Variants in GOLGA4 observed in about 807,000 individuals in gnomAD.
The protein encoded by GOLGA4 is golgin subfamily A member 4.
In GOLGA4, 169 loss-of-function variants were observed where a neutral mutation model predicts 265.9. The observed-to-expected ratio is 0.64, with a 90% CI of 0.56 to 0.72. GOLGA4 has a LOEUF of 0.72. GOLGA4 is among the 30% of genes least tolerant of loss of function. The pLI is 0.00. For synonymous variants in GOLGA4, 923 were observed against 855.8 expected, an observed-to-expected ratio of 1.08 and a Z score of -1.37; for missense variants, 2,482 against 2,483.4, an observed-to-expected ratio of 1.00 and a Z score of 0.01.
chr3:37,302,084 C>T lies in GOLGA4; in HGVS notation c.1087-101C>T, dbSNP rs917558117. The T allele has an allele frequency of 3.1e-6, 3 of 979,544 alleles. No homozygotes were observed. The African/African-American group carries it at 4.9e-5, about 16-fold the overall frequency. The allele number at this position is 979,544 out of a possible 1,614,324, so 60.7% of individuals were successfully genotyped here. On this transcript the variant is annotated intron_variant, in intron 9 of 23. Coordinates refer to ENST00000361924, the MANE Select transcript of GOLGA4 (RefSeq NM_002078.5). ...GATTATGGACATGAGTCACCATGCACCATGCCCGGCCTTTTTCTGCCTTTT... is the reference window on the plus strand; with the variant it reads ...GATTATGGACATGAGTCACCATGCATCATGCCCGGCCTTTTTCTGCCTTTT...
At chr3:37,302,468 C>CAGA in intron 10 of GOLGA4, 136 bp downstream of exon 10, 1 of 763,950 alleles carries the variant, frequency 1.3e-6, no homozygotes. Context: ...CACCCATCTG[C>CAGA]TCATTAGAGG....
At chr3:37,251,689 G>A (rs957932087) in intron 2 of GOLGA4, among the ~76,000 whole-genome samples, 100 of 146,754 alleles carry the variant, frequency 6.8e-4, no homozygotes, top group Non-Finnish European at 2.7e-4. Context: ...CTGTATGTAT[G>A]TATGTATGTT....
chr3:37,248,199 T>C (rs888871477), intron 1 of GOLGA4, among the ~76,000 whole-genome samples: 1 of 152,192 alleles, frequency 6.6e-6, no homozygotes, highest in South Asian at 2.1e-4. Context: ...AGTCTTGAAC[T>C]CCTGGCCTCA....
chr3:37,266,175 T>A (rs2096783125), intron 2 of GOLGA4, among the ~76,000 whole-genome samples: 1 of 152,148 alleles, frequency 6.6e-6, no homozygotes, highest in Admixed American at 6.5e-5. Context: ...TTGTTTTGTT[T>A]TGTTTTTTTG....
chr3:37,317,820 T>C (rs982322652), intron 11 of GOLGA4, among the ~76,000 whole-genome samples: 1 of 152,178 alleles, frequency 6.6e-6, no homozygotes, highest in African/African-American at 2.4e-5. Context: ...TCTTTGTTTA[T>C]AGTGAGAATT....
chr3:37,309,429 C>T (rs2096917035), intron 10 of GOLGA4, among the ~76,000 whole-genome samples: 1 of 151,930 alleles, frequency 6.6e-6, no homozygotes, highest in Non-Finnish European at 1.5e-5. Flanking sequence ...GTGGCACACG[C>T]CTGTAATCCC....
At position 37,325,667 on chromosome 3, in the gene GOLGA4, A is replaced by G; in HGVS notation, c.3781A>G (p.Lys1261Glu). 6.2e-7 allele frequency: 1 copy of G among 1,613,924 alleles called. No homozygotes were observed. The highest frequency in any genetic ancestry group is 2.2e-5 in the East Asian group (1 of 44,868). Reference sequence around the variant, plus strand: ...TTGTCAGCACCGTACAACTAAAGTTAAGGAGGCACTGTTAATTAAAACTTG... The same window carrying G: ...TTGTCAGCACCGTACAACTAAAGTTGAGGAGGCACTGTTAATTAAAACTTG... ...SHCQHRTTKV[K>E]EALLIKTCTV... The change falls in exon 14 of 24, where the codon AAG becomes GAG. Residue 1261 changes from lysine to glutamate, a missense_variant. Around this residue, in one of 3 missense-constraint regions of GOLGA4, gnomAD observed 1,536 missense variants for 1,483.7 expected, o/e 1.04. Coordinates refer to ENST00000361924, the MANE Select transcript of GOLGA4 (RefSeq NM_002078.5).
intron 12 of GOLGA4, 125 bp from the exon 13 acceptor site, chr3:37,321,606 G>T: frequency 1.3e-6 from 1 of 792,356 alleles, no homozygotes; most frequent in Non-Finnish European, 2.0e-6. Flanking sequence ...GGAGAGAGAT[G>T]ATGACGTTAC....
chr3:37,325,109 G>T lies in GOLGA4; in HGVS notation c.3223G>T (p.Glu1075Ter). Residue 1075 changes from glutamate (E) to a stop codon, truncating the protein, a stop_gained, in exon 14 of 24, where the codon GAA becomes TAA. Transcript: ENST00000361924. LOFTEE classifies it high-confidence loss of function. ...QLQEKEQEVAELKQKILLFGC... is the reference protein window; with the variant it reads ...QLQEKEQEVA ...ACAGGAAAAAGAACAAGAGGTAGCA[G>T]AACTGAAACAAAAGATCCTCCTATT... 2 of 1,612,794 alleles carry T rather than the reference G, an allele frequency of 1.2e-6. No individual in the cohort carries two copies. Among genetic ancestry groups the T allele is most frequent in the South Asian group, 2.2e-5 (2 of 90,988 alleles).
At position 37,243,544 on chromosome 3, in the gene GOLGA4, C is replaced by G. The variant is rs1224667198; in HGVS notation, c.-7C>G. ...GTTGACACTCAGGACCGTACGTACG[C>G]TGCGCCATGTTCAAGAAACTGAAGC... On this transcript the variant is annotated 5_prime_UTR_variant, in exon 1 of 24. Coordinates refer to ENST00000361924, the MANE Select transcript of GOLGA4 (RefSeq NM_002078.5). 3 of 1,613,734 alleles carry G rather than the reference C, an allele frequency of 1.9e-6. No individual in the cohort carries two copies. The South Asian group carries it at 3.3e-5, about 18-fold the overall frequency.
chr3:37,331,474 C>T (rs1025774836), intron 16 of GOLGA4, among the ~76,000 whole-genome samples: 1 of 152,140 alleles, frequency 6.6e-6, no homozygotes, highest in African/African-American at 2.4e-5. Context: ...GGGCTATTAG[C>T]AATTCTCAGC....
intron 15 of GOLGA4, 47 bp from the exon 16 acceptor site, chr3:37,328,916 C>T (rs759772161): frequency 6.9e-7 from 1 of 1,450,452 alleles, no homozygotes; most frequent in South Asian, 1.4e-5. Flanking sequence ...CAAATATTAA[C>T]TCTTGACTAA....
intron 2 of GOLGA4, among the ~76,000 whole-genome samples, chr3:37,258,979 A>G (rs1004388965): frequency 6.6e-6 from 1 of 152,112 alleles, no homozygotes; most frequent in South Asian, 2.1e-4. Context: ...TTGTATCAGT[A>G]ATACAGCCCC....
intron 23 of GOLGA4, among the ~76,000 whole-genome samples, chr3:37,365,871 G>T (rs1320205062): frequency 6.7e-6 from 1 of 150,118 alleles, no homozygotes; most frequent in Non-Finnish European, 1.5e-5. Context: ...GGCCTCAAGT[G>T]ATTCTCCCAT....
At chr3:37,314,486 C>G (rs1031874436) in intron 10 of GOLGA4, among the ~76,000 whole-genome samples, 3 of 151,730 alleles carry the variant, frequency 2.0e-5, no homozygotes, top group Non-Finnish European at 2.9e-5. Context: ...ACTAAAAATA[C>G]AAAAATTAGC....
intron 1 of GOLGA4, among the ~76,000 whole-genome samples, chr3:37,248,157 G>C (rs749248892): frequency 6.6e-6 from 1 of 152,108 alleles, no homozygotes; most frequent in Non-Finnish European, 1.5e-5. Flanking sequence ...TTAAGTTTTT[G>C]TAGAGTCAGG....
chr3:37,288,242 C>T (rs1032196229), intron 4 of GOLGA4, among the ~76,000 whole-genome samples: 1 of 151,084 alleles, frequency 6.6e-6, no homozygotes, highest in Non-Finnish European at 1.5e-5. Flanking sequence ...GCTGGGACTA[C>T]AGGCACGCAT....
At chr3:37,275,600 C>G in intron 2 of GOLGA4, 1 of 1,425,112 alleles carries the variant, frequency 7.0e-7, no homozygotes, top group Middle Eastern at 2.4e-4. Context: ...GGGGTTGCTG[C>G]GCGCCGGGGG....
intron 5 of GOLGA4, among the ~76,000 whole-genome samples, chr3:37,294,720 T>C (rs2096873709): frequency 6.6e-6 from 1 of 152,190 alleles, no homozygotes; most frequent in African/African-American, 2.4e-5. Context: ...TCCACATTAT[T>C]ATCAGTGCAG....
Sources: allele counts gnomAD v4.1 joint callset (sites outside exome capture counted in the v4.1 genomes callset), GRCh38; gene constraint gnomAD v4.1.1; regional missense constraint gnomAD v4.1.1; transcripts MANE v1.5; gene names NCBI Gene and HGNC (gene_info 2026-07-23, HGNC 2026-07-21).